TTC6: variants seen among roughly 807,000 people sequenced by gnomAD.
The protein encoded by TTC6 is tetratricopeptide repeat domain 6.
In TTC6, 172 loss-of-function variants were observed where a neutral mutation model predicts 210.4. The observed-to-expected ratio is 0.82, with a 90% CI of 0.72 to 0.93. The LOEUF (loss-of-function observed/expected upper bound fraction) is 0.93. Ranked by LOEUF, TTC6 falls within the 40% of genes least tolerant of loss-of-function variation. The pLI is 0.00. For missense variants in TTC6, 2,414 were observed against 2,318.1 expected (o/e 1.04, Z -0.85); for synonymous variants, 804 against 819.6 (o/e 0.98, Z 0.32).
At chr14:37,761,923 C>A (rs2095985775) in intron 14 of TTC6, among the ~76,000 whole-genome samples, 1 of 152,092 alleles carries the variant, frequency 6.6e-6, no homozygotes, top group Non-Finnish European at 1.5e-5. Context: ...CAAATACTTA[C>A]CATTTTTTCC....
chr14:37,715,895 G>A (rs2095851865), intron 6 of TTC6, among the ~76,000 whole-genome samples: 1 of 152,172 alleles, frequency 6.6e-6, no homozygotes, highest in African/African-American at 2.4e-5. Context: ...CCAGGAATAT[G>A]TAGAAGGAAC....
At chr14:37,646,751 A>G (rs973119414) in intron 1 of TTC6, among the ~76,000 whole-genome samples, 4 of 152,178 alleles carry the variant, frequency 2.6e-5, no homozygotes, top group African/African-American at 7.2e-5. Flanking sequence ...TATTCTCTGT[A>G]TATATTTATA....
exon 1 of TTC6, chr14:37,622,722 G>A (rs546364352): frequency 2.6e-6 from 4 of 1,534,938 alleles, no homozygotes; most frequent in African/African-American, 2.7e-5. Context: ...GGCCAGCAGC[G>A]GGCGGAGGAA....
intron 25 of TTC6, among the ~76,000 whole-genome samples, chr14:37,816,500 C>G (rs991056725): frequency 6.6e-6 from 1 of 152,142 alleles, no homozygotes; most frequent in Non-Finnish European, 1.5e-5. Flanking sequence ...TTTTGCCACT[C>G]CACAGAAGAG....
In TTC6 at chr14:37,823,877, G is replaced by GCA. The variant is rs1370170972; in HGVS notation, c.4897_4898dup (p.Gln1633HisfsTer6). 2.5e-6 allele frequency: 4 copies of GCA among 1,613,974 alleles called. No homozygotes were observed. In the South Asian group the frequency reaches 3.3e-5, roughly 13 times the overall value. ...CGGTCATGATGAAGCCACCAAGCAA[G>GCA]CACAGAAAGACTTTCTGAAAGCACT... is the stretch of plus-strand genomic sequence containing the variant. On this transcript the variant is annotated frameshift_variant, in exon 27 of 31. Coordinates refer to ENST00000553443, the Ensembl canonical transcript of TTC6. LOFTEE classifies it high-confidence loss of function.
At position 37,804,588 on chromosome 14, in the gene TTC6, T is replaced by C. The variant is rs2096114098; in HGVS notation, c.4030-92T>C. On this transcript the variant is annotated intron_variant, in intron 20 of 30. Coordinates refer to ENST00000553443, the Ensembl canonical transcript of TTC6. Reference sequence around the variant, plus strand: ...ATAAAGTAAGAGTAGAGGTGTGTGCTCTGTGCTCCTTTTAACATATAAGGC... The same window carrying C: ...ATAAAGTAAGAGTAGAGGTGTGTGCCCTGTGCTCCTTTTAACATATAAGGC... 8 of 1,484,062 alleles carry C rather than the reference T, an allele frequency of 5.4e-6. No homozygotes were observed. In the South Asian group the frequency reaches 1.1e-4, roughly 20 times the overall value. The allele number at this position is 1,484,062 out of a possible 1,614,324, so 91.9% of individuals were successfully genotyped here.
chr14:37,769,061 A>C (rs1446366937), intron 14 of TTC6, among the ~76,000 whole-genome samples: 1 of 151,948 alleles, frequency 6.6e-6, no homozygotes, highest in African/African-American at 2.4e-5. Context: ...TGAGATAATC[A>C]TGTGGTTTTT....
chr14:37,750,169 T>G (rs759518338), intron 12 of TTC6, among the ~76,000 whole-genome samples: 26 of 152,232 alleles, frequency 1.7e-4, no homozygotes, highest in Non-Finnish European at 3.5e-4. Flanking sequence ...TTGTGTGATT[T>G]GATCACATCT....
At chr14:37,686,274 A>G (rs1289488803) in intron 3 of TTC6, among the ~76,000 whole-genome samples, 1 of 152,220 alleles carries the variant, frequency 6.6e-6, no homozygotes, top group Non-Finnish European at 1.5e-5. Flanking sequence ...ATGCTACAAT[A>G]TAAAGCACTT....
At chr14:37,696,643 C>G in intron 3 of TTC6, 74 bp from the exon 6 acceptor site, 5 of 643,932 alleles carry the variant, frequency 7.8e-6, no homozygotes, top group Non-Finnish European at 1.2e-5. Context: ...TTAGGTGACT[C>G]GCTAAATATG....
At position 37,792,376 on chromosome 14, in the gene TTC6, AT is replaced by A; in HGVS notation, c.3672del (p.Gln1225LysfsTer16). 3 of 1,522,950 alleles carry A rather than the reference AT, an allele frequency of 2.0e-6. No homozygotes were observed. Among genetic ancestry groups the A allele is most frequent in the Non-Finnish European group, 2.6e-6 (3 of 1,142,012 alleles). 94.3% of individuals were successfully genotyped at this position (1,522,950 alleles called of 1,614,324 possible). ...GGCTATTAGAATTGATCCTTTATGT[AT>A]TCAAAGCTATCTTTGTCGGGCGGAA... On this transcript the variant is annotated frameshift_variant, in exon 17 of 31. Coordinates refer to ENST00000553443, the Ensembl canonical transcript of TTC6. LOFTEE classifies it high-confidence loss of function.
chr14:37,647,798 A>G (rs1027928371), intron 1 of TTC6, among the ~76,000 whole-genome samples: 4 of 152,146 alleles, frequency 2.6e-5, no homozygotes, highest in African/African-American at 9.7e-5. Flanking sequence ...CTAAGGGCTC[A>G]AGGACATGCC....
At chr14:37,689,476 A>G (rs1175827235) in intron 3 of TTC6, among the ~76,000 whole-genome samples, 1 of 152,160 alleles carries the variant, frequency 6.6e-6, no homozygotes, top group Admixed American at 6.5e-5. Context: ...AAGGCTATAG[A>G]ACACCAAGAA....
At chr14:37,808,887 TAATA>T (rs2096123971) in intron 24 of TTC6, 41 bp downstream of exon 26, 1 of 1,028,866 alleles carries the variant, frequency 9.7e-7, no homozygotes, top group African/African-American at 1.7e-5. Context: ...TTAAAGTGTT[TAATA>T]AATAACATGC....
At chr14:37,719,334 T>G (rs1184945760) in intron 6 of TTC6, among the ~76,000 whole-genome samples, 1 of 152,186 alleles carries the variant, frequency 6.6e-6, no homozygotes, top group African/African-American at 2.4e-5. Flanking sequence ...AGGCTTTTTT[T>G]TTTGTACATG....
chr14:37,806,136 G>A (rs1190521469), intron 21 of TTC6, among the ~76,000 whole-genome samples: 1 of 152,030 alleles, frequency 6.6e-6, no homozygotes, highest in African/African-American at 2.4e-5. Context: ...CTAACAATAT[G>A]GATTATGTAG....
At chr14:37,823,882 G>T (rs747303918) in exon 27 of TTC6, 4 of 1,613,972 alleles carry the variant, frequency 2.5e-6, no homozygotes, top group Admixed American at 1.7e-5. Context: ...AGCAAGCACA[G>T]AAAGACTTTC....
At chr14:37,799,396 T>C (rs1445109953) in intron 20 of TTC6, among the ~76,000 whole-genome samples, 1 of 152,192 alleles carries the variant, frequency 6.6e-6, no homozygotes, top group Non-Finnish European at 1.5e-5. Flanking sequence ...TATCTTCATT[T>C]CCTCACTTTC....
At chr14:37,776,738 A>G (rs1277290481) in intron 14 of TTC6, among the ~76,000 whole-genome samples, 1 of 151,882 alleles carries the variant, frequency 6.6e-6, no homozygotes, top group Non-Finnish European at 1.5e-5. Flanking sequence ...AAAAAAATAC[A>G]CAACTTAGCC....
Sources: gnomAD v4.1 joint callset for allele counts (sites outside exome capture counted in the v4.1 genomes callset) on GRCh38, gnomAD v4.1.1 for gene constraint, MANE v1.5 for transcripts, NCBI Gene and HGNC (gene_info 2026-07-23, HGNC 2026-07-21) for gene names.